The following RNF145 variants were observed in gnomAD, a reference collection of about 807,000 sequenced individuals.
RNF145 encodes ring finger protein 145.
Under a neutral mutation model 57.3 loss-of-function variants are expected in RNF145, and 12 were observed. The observed-to-expected ratio is 0.21, with a 90% CI of 0.13 to 0.34. The LOEUF (loss-of-function observed/expected upper bound fraction) is 0.34, where lower values mean the gene tolerates loss of function less well. RNF145 is among the 10% of genes least tolerant of loss of function. The pLI, the probability that RNF145 is intolerant of heterozygous loss-of-function variation, is 1.00. For synonymous variants in RNF145, 262 were observed against 288.3 expected, an observed-to-expected ratio of 0.91 and a Z score of 0.92; for missense variants, 429 against 799.0, an observed-to-expected ratio of 0.54 and a Z score of 5.58.
At chr5:159,174,691 A>G (rs1046005590) in intron 5 of RNF145, among the ~76,000 whole-genome samples, 7 of 152,128 alleles carry the variant, frequency 4.6e-5, no homozygotes, top group Admixed American at 2.6e-4. Context: ...TCCCATACAC[A>G]TCAATTCCCC....
Position 159,159,225 on chromosome 5 carries a change from T to C in RNF145, c.1627-190A>G, listed in dbSNP as rs1194572100. 3.3e-5 allele frequency among the ~76,000 whole-genome samples: 5 copies of C among 152,154 alleles called. No individual in the cohort carries two copies. In the South Asian group the frequency reaches 8.3e-4, roughly 25 times the overall value. On this transcript the variant is annotated intron_variant, in intron 10 of 10. Coordinates refer to ENST00000424310, the MANE Select transcript of RNF145 (RefSeq NM_001199383.2). ...TCACAGATCCCCCTTATACAAATAA[T>C]GCAAGAACTACTGGCTAAGTACTTT...
At chr5:159,195,837 A>G (rs2113215552) in intron 2 of RNF145, among the ~76,000 whole-genome samples, 1 of 152,320 alleles carries the variant, frequency 6.6e-6, no homozygotes, top group South Asian at 2.1e-4. Flanking sequence ...TCATTTCTTA[A>G]TCTAAGTAGA....
chr5:159,193,998 T>C (rs1048853455), intron 3 of RNF145, among the ~76,000 whole-genome samples: 1 of 152,216 alleles, frequency 6.6e-6, no homozygotes, highest in East Asian at 1.9e-4. Context: ...ATTTTAACAT[T>C]CTGTTGCAAA....
rs200349356 is a variant in RNF145 at position 159,159,005 on chromosome 5, T to C, written c.1657A>G (p.Ser553Gly). Residue 553 changes from serine to glycine, a missense_variant, in exon 11 of 11, where the codon AGT (serine) becomes GGT (glycine). Ser to Gly is a moderately conservative substitution (Grantham distance 56). Transcript: ENST00000424310. ...AGACAGCCTGCATGGAAAAAATGAC[T>C]GCAAGGCGTGATCACAGCAGATTTC... ...DMKSAVITPC[S>G]HFFHAGCLKK... 6.0e-4 allele frequency: 975 copies of C among 1,613,770 alleles called. 15 individuals carry two copies. In the South Asian group the frequency reaches 8.2e-3, roughly 14 times the overall value.
intron 4 of RNF145, among the ~76,000 whole-genome samples, chr5:159,178,095 AATAGT>A (rs1288711779): frequency 6.6e-6 from 1 of 151,838 alleles, no homozygotes; most frequent in Non-Finnish European, 1.5e-5. Flanking sequence ...TTTTTTTCTT[AATAGT>A]ACCCACCTTT....
intron 9 of RNF145, among the ~76,000 whole-genome samples, chr5:159,162,714 G>A (rs1584661085): frequency 6.6e-6 from 1 of 152,090 alleles, no homozygotes; most frequent in African/African-American, 2.4e-5. Flanking sequence ...GATTACAGGC[G>A]TGAGCCACCG....
At chr5:159,169,342 G>C (rs1052870399) in intron 7 of RNF145, among the ~76,000 whole-genome samples, 2 of 152,134 alleles carry the variant, frequency 1.3e-5, no homozygotes, top group Non-Finnish European at 2.9e-5. Flanking sequence ...TTCTGTAAAT[G>C]AGCCAGATAT....
At chr5:159,197,034 A>G (rs770998481) in intron 2 of RNF145, among the ~76,000 whole-genome samples, 1 of 152,346 alleles carries the variant, frequency 6.6e-6, no homozygotes, top group East Asian at 1.9e-4. Context: ...ATTCCTAGAC[A>G]TGGAAGATCC....
chr5:159,177,331 C>A (rs996680092), intron 4 of RNF145, among the ~76,000 whole-genome samples: 24 of 152,006 alleles, frequency 1.6e-4, no homozygotes, highest in Admixed American at 3.9e-4. Flanking sequence ...ATTTTTTAAT[C>A]TTTATTTTTG....
intron 4 of RNF145, among the ~76,000 whole-genome samples, chr5:159,180,810 C>T (rs1784866596): frequency 6.6e-6 from 1 of 152,028 alleles, no homozygotes; most frequent in African/African-American, 2.4e-5. Flanking sequence ...TACAGCACAC[C>T]TTAATCTCAA....
intron 4 of RNF145, 103 bp downstream of exon 4, chr5:159,181,856 CT>C: frequency 1.5e-6 from 1 of 671,652 alleles, no homozygotes; most frequent in Non-Finnish European, 2.6e-6. Context: ...CCATGAATCA[CT>C]TTTGAGAATT....
At chr5:159,194,373 T>C (rs546403628) in intron 3 of RNF145, among the ~76,000 whole-genome samples, 198 of 152,306 alleles carry the variant, frequency 1.3e-3, no homozygotes, top group Middle Eastern at 3.4e-3. Context: ...GGTTTCACCA[T>C]GTTGGCCAGG....
At chr5:159,169,638 T>TA in intron 7 of RNF145, 41 bp downstream of exon 7, 2 of 1,434,700 alleles carry the variant, frequency 1.4e-6, no homozygotes, top group Non-Finnish European at 9.3e-7. Flanking sequence ...AAGTTATCTA[T>TA]AGTATTTACA....
In RNF145 at chr5:159,157,534, T is replaced by C. The variant is rs985566923; in HGVS notation, c.*1136A>G. On this transcript the variant is annotated 3_prime_UTR_variant, in exon 11 of 11. Coordinates refer to ENST00000424310, the MANE Select transcript of RNF145 (RefSeq NM_001199383.2). ...AATACCGAGGTCTGAAAAACACTTT[T>C]TGAGCCAAGCCTATTGTATAAATAA... 1 of 152,786 alleles carries C rather than the reference T, an allele frequency of 6.5e-6. No individual in the cohort carries two copies. The highest frequency in any genetic ancestry group is 2.4e-5 in the African/African-American group (1 of 41,460). The allele number at this position is 152,786 out of a possible 1,614,324, so 9.5% of individuals were successfully genotyped here. A position where few individuals can be genotyped will look rare whatever the true frequency, so the allele number is the denominator to read the frequency against.
chr5:159,166,984 T>TA (rs1011035349), intron 8 of RNF145, among the ~76,000 whole-genome samples: 20 of 152,072 alleles, frequency 1.3e-4, no homozygotes, highest in African/African-American at 4.3e-4. Context: ...AATAAATAAA[T>TA]AAAATAGGGA....
At chr5:159,165,155 C>A (rs548043274) in intron 8 of RNF145, among the ~76,000 whole-genome samples, 18 of 152,256 alleles carry the variant, frequency 1.2e-4, no homozygotes, top group African/African-American at 4.1e-4. Flanking sequence ...AATAATGTAA[C>A]AAGCATTTAT....
intron 8 of RNF145, among the ~76,000 whole-genome samples, chr5:159,166,089 T>C (rs890282968): frequency 6.6e-6 from 1 of 152,218 alleles, no homozygotes; most frequent in African/African-American, 2.4e-5. Context: ...TCATAGGTAT[T>C]GGCAGATTTT....
At chr5:159,208,195 G>A (rs1785968834) in intron 1 of RNF145, 9 of 1,346,236 alleles carry the variant, frequency 6.7e-6, no homozygotes, top group East Asian at 3.0e-5. Flanking sequence ...GCGGCAAGCA[G>A]GCAGCGCAGC....
intron 1 of RNF145, chr5:159,208,226 GGCC>G (rs1785971171): frequency 7.9e-5 from 94 of 1,184,896 alleles, no homozygotes; most frequent in Non-Finnish European, 8.4e-5. Flanking sequence ...GCAGCAACCG[GGCC>G]GCCGCCGCCG....
Sources: gnomAD v4.1 joint callset for allele counts (sites outside exome capture counted in the v4.1 genomes callset) on GRCh38, gnomAD v4.1.1 for gene constraint, MANE v1.5 for transcripts, NCBI Gene and HGNC (gene_info 2026-07-23, HGNC 2026-07-21) for gene names.